Variants in RECQL4 observed in about 807,000 individuals in gnomAD.
The protein encoded by RECQL4 is ATP-dependent DNA helicase Q4.
A neutral mutation model predicts 128.6 loss-of-function variants in RECQL4; 158 were observed. The observed-to-expected ratio is 1.23, with a 90% confidence interval of 1.08 to 1.40. The LOEUF is 1.40. RECQL4 is among the 40% of genes most tolerant of loss of function. The probability of loss-of-function intolerance (pLI) is 0.00; values close to 1 mark genes in which losing one functional copy is unlikely to be tolerated. For missense variants in RECQL4, 2,293 were observed against 1,649.8 expected (o/e 1.39, Z -6.75); for synonymous variants, 996 against 678.9 (o/e 1.47, Z -7.26).
chr8:144,513,800 TGAG>T (rs1827726056), intron 12 of RECQL4, 88 bp from the exon 13 acceptor site: 66 of 794,708 alleles, frequency 8.3e-5, no homozygotes, highest in Admixed American at 3.0e-4. Context: ...GCGTGGGGAG[TGAG>T]GAGGGGTCGG....
Position 144,517,389 on chromosome 8 carries a change from G to T in RECQL4, c.213+25C>A, listed in dbSNP as rs1432960414. On this transcript the variant is annotated intron_variant, in intron 3 of 20. Coordinates refer to ENST00000617875, the MANE Select transcript of RECQL4 (RefSeq NM_004260.4). ...TCCGCCAAACAGGGAAGTGGGAGGAGGCTGGGGCGGCGGGGCCTGGGTACC... is the reference window on the plus strand; with the variant it reads ...TCCGCCAAACAGGGAAGTGGGAGGATGCTGGGGCGGCGGGGCCTGGGTACC... 7 of 1,547,272 alleles carry T rather than the reference G, an allele frequency of 4.5e-6. No homozygotes were observed. The African/African-American group carries it at 9.5e-5, about 21-fold the overall frequency.
intron 12 of RECQL4, 47 bp downstream of exon 12, chr8:144,513,881 A>AGAGAGGAGGGGTCGGCGTGGGCG (rs1554899111): frequency 4.6e-6 from 2 of 435,680 alleles, no homozygotes; most frequent in Non-Finnish European, 6.0e-6. Flanking sequence ...CGGCGTGGGC[A>AGAGAGGAGGGGTCGGCGTGGGCG]GTCAGCAGCC....
rs762426271 is a variant in RECQL4 at position 144,516,181 on chromosome 8, C to G, written c.938G>C (p.Ser313Thr). The G allele has an allele frequency of 3.7e-6, 6 of 1,613,476 alleles. No individual in the cohort carries two copies. In the East Asian group the frequency reaches 1.1e-4, roughly 30 times the overall value. ...TCCGTGGTACCTGGGGTTCGATGGG[C>G]TGCTGCAGGGCTGAGGTGGCTGTGC... Reference protein sequence around the residue: ...VQAQPPQPCSSPSNPRYHGLS... With the variant: ...VQAQPPQPCSTPSNPRYHGLS... The change falls in exon 5 of 21, where the codon AGC (serine) becomes ACC (threonine). Residue 313 changes from serine to threonine, a missense_variant. Coordinates refer to ENST00000617875, the MANE Select transcript of RECQL4 (RefSeq NM_004260.4).
At chr8:144,514,883 C>A in intron 9 of RECQL4, 53 bp downstream of exon 9, 1 of 1,595,264 alleles carries the variant, frequency 6.3e-7, no homozygotes, top group South Asian at 1.1e-5. Flanking sequence ...CCTTGGGAGT[C>A]ACAAGTGCTG....
rs1586808386 is a variant in RECQL4 at position 144,514,001 on chromosome 8, G to A, written c.1985C>T (p.Pro662Leu). 6.4e-7 allele frequency: 1 copy of A among 1,568,864 alleles called. No individual in the cohort carries two copies. Among genetic ancestry groups the A allele is most frequent in the Non-Finnish European group, 8.6e-7 (1 of 1,157,822 alleles). ...VAQHLAVAEE[P>L]DLHGPAPVPT... ...AACTGGGGCTGGCCCGTGGAGGTCA[G>A]GCTCTTCAGCCACAGCCAGGTGCTG... Residue 662 changes from proline (P) to leucine (L), a missense_variant, in exon 12 of 21, where the codon CCT becomes CTT. Pro to Leu is a moderately conservative substitution (Grantham distance 98). Coordinates refer to ENST00000617875, the MANE Select transcript of RECQL4 (RefSeq NM_004260.4).
At chr8:144,515,552 A>G in intron 6 of RECQL4, 95 bp from the exon 7 acceptor site, 1 of 1,573,024 alleles carries the variant, frequency 6.4e-7, no homozygotes, top group Non-Finnish European at 8.7e-7. Context: ...GGTTGGCAGC[A>G]GGCAGTGCCC....
At position 144,515,055 on chromosome 8, in the gene RECQL4, C is replaced by G; in HGVS notation, c.1501G>C (p.Val501Leu). 1 of 1,608,662 alleles carries G rather than the reference C, an allele frequency of 6.2e-7. No homozygotes were observed. The highest frequency in any genetic ancestry group is 8.5e-7 in the Non-Finnish European group (1 of 1,178,342). Residue 501 changes from valine to leucine, a missense_variant, in exon 9 of 21, where the codon GTG becomes CTG. By Grantham distance (32) the Val-to-Leu change is conservative (BLOSUM62 1). Transcript: ENST00000617875. ...RILSGISTLL[V>L]LPTGAGKSLC... is the part of the protein sequence containing the mutation. ...GACTTGCCGGCACCTGTAGGCAGCA[C>G]CAGCAGCGTGGAGATGCCTGGATGG...
rs1269526311 is a variant in RECQL4 at position 144,512,830 on chromosome 8, T to G, written c.2755+17A>C. 3.7e-6 allele frequency: 6 copies of G among 1,607,756 alleles called. No individual in the cohort carries two copies. The African/African-American group carries it at 8.0e-5, about 21-fold the overall frequency. ...ACAGCCCCTCCACACCCCTGTGGCTTACCCCAGGTTCCTCACCCTCCTCCG... is the reference window on the plus strand; with the variant it reads ...ACAGCCCCTCCACACCCCTGTGGCTGACCCCAGGTTCCTCACCCTCCTCCG... On this transcript the variant is annotated intron_variant, in intron 15 of 20. Coordinates refer to ENST00000617875, the MANE Select transcript of RECQL4 (RefSeq NM_004260.4).
Position 144,512,280 on chromosome 8 carries a change from C to G in RECQL4, c.3100G>C (p.Ala1034Pro), listed in dbSNP as rs761975311. Residue 1034 changes from alanine to proline, a missense_variant, in exon 18 of 21, where the codon GCC becomes CCC. Transcript: ENST00000617875. Reference sequence around the variant, plus strand: ...TCCCCCGGGCTGCGAAGGTGGAAGGCCAGCTCACTGAACTCCACAAGCACC... The same window carrying G: ...TCCCCCGGGCTGCGAAGGTGGAAGGGCAGCTCACTGAACTCCACAAGCACC... ...TGVLVEFSEL[A>P]FHLRSPGDLT... 1 of 1,612,512 alleles carries G rather than the reference C, an allele frequency of 6.2e-7. No homozygotes were observed. The highest frequency in any genetic ancestry group is 1.7e-5 in the Admixed American group (1 of 60,028).
intron 9 of RECQL4, 47 bp from the exon 10 acceptor site, chr8:144,514,572 C>G: frequency 6.4e-7 from 1 of 1,571,548 alleles, no homozygotes. Context: ...CCAGCCCTGG[C>G]CCTTCCCCAA....
intron 5 of RECQL4, 38 bp downstream of exon 5, chr8:144,515,950 G>A (rs1564804848): frequency 1.9e-6 from 3 of 1,611,956 alleles, no homozygotes; most frequent in Non-Finnish European, 2.5e-6. Flanking sequence ...CTGAGGGGAG[G>A]GAAAGGGAAT....
chr8:144,512,908 C>G lies in RECQL4; in HGVS notation c.2694G>C (p.Met898Ile), dbSNP rs1382869672. 1.9e-6 allele frequency: 3 copies of G among 1,587,814 alleles called. No individual in the cohort carries two copies. The African/African-American group carries it at 4.0e-5, about 21-fold the overall frequency. Reference protein sequence around the residue: ...QAAPGPRRVCMGHERALPIQL... With the variant: ...QAAPGPRRVCIGHERALPIQL... The stretch of plus-strand genomic sequence containing the variant: ...GTATTGGGAGTGCCCGCTCATGGCC[C>G]ATGCAGACCCTTCTGGGTCCTGGGG... Residue 898 changes from methionine (M) to isoleucine (I), a missense_variant, in exon 15 of 21, where the codon ATG (methionine) becomes ATC (isoleucine). Transcript: ENST00000617875.
At position 144,511,374 on chromosome 8, in the gene RECQL4, C is replaced by A; in HGVS notation, c.*57G>T. On this transcript the variant is annotated 3_prime_UTR_variant, in exon 21 of 21. Transcript: ENST00000617875. ...GGCAGGTTTTGCCCAGGTCCTCAGT[C>A]ACTGCCCTAGCCTCTGACAACCCCA... is the stretch of plus-strand genomic sequence containing the variant. 6.3e-7 allele frequency: 1 copy of A among 1,595,492 alleles called. No individual in the cohort carries two copies. Among genetic ancestry groups the A allele is most frequent in the South Asian group, 1.1e-5 (1 of 90,682 alleles).
rs778626045 is a variant in RECQL4 at position 144,516,530 on chromosome 8, C to T, written c.589G>A (p.Glu197Lys). Reference protein sequence around the residue: ...DPGWLQRCHSEVPDFLGAPKA... With the variant: ...DPGWLQRCHSKVPDFLGAPKA... ...GGGGCCCCCAGAAAATCTGGGACCT[C>T]ACTGTGACATCGCTGTAACCAGCCA... The change falls in exon 5 of 21, where the codon GAG (glutamate) becomes AAG (lysine). Residue 197 changes from glutamate to lysine, a missense_variant. Transcript: ENST00000617875. 8.7e-6 allele frequency: 14 copies of T among 1,609,804 alleles called. No homozygotes were observed. Among genetic ancestry groups the T allele is most frequent in the Non-Finnish European group, 1.2e-5 (14 of 1,179,284 alleles).
rs2130693232 is a variant in RECQL4, at chr8:144,514,125, G to A, written c.1879-18C>T. 1 of 1,609,694 alleles carries A rather than the reference G, an allele frequency of 6.2e-7. No individual in the cohort carries two copies. The highest frequency in any genetic ancestry group is 1.7e-5 in the Admixed American group (1 of 59,638). ...CGAAGCACCTGCACCAGAGGCGGCA[G>A]TGGTGTGAGGCCGCCCAGCCCATCC... On this transcript the variant is annotated intron_variant, in intron 11 of 20. Transcript: ENST00000617875.
In RECQL4 at chr8:144,513,683, A is replaced by G. The variant is rs1465286003; in HGVS notation, c.2088T>C (p.Arg696=). The change falls in exon 13 of 21, where the codon CGT becomes CGC. Residue 696 remains arginine (R), a synonymous_variant. Coordinates refer to ENST00000617875, the MANE Select transcript of RECQL4 (RefSeq NM_004260.4). ...QALLTLLQGK[R]FQNLDSIIIY... ...TGATAATGGAATCGAGGTTTTGAAA[A>G]CGTTTGCCTTGCAGCAGCGTCAACA... 1 of 1,549,040 alleles carries G rather than the reference A, an allele frequency of 6.5e-7. No individual in the cohort carries two copies. The highest frequency in any genetic ancestry group is 8.7e-7 in the Non-Finnish European group (1 of 1,147,572).
chr8:144,515,110 C>G, intron 8 of RECQL4, 38 bp from the exon 9 acceptor site: 1 of 1,582,320 alleles, frequency 6.3e-7, no homozygotes, highest in Non-Finnish European at 8.6e-7. Context: ...GTTCTGCAGC[C>G]TGGCCTCAGC....
At position 144,512,127 on chromosome 8, in the gene RECQL4, G is replaced by T; in HGVS notation, c.3236+17C>A. On this transcript the variant is annotated intron_variant, in intron 18 of 20. Transcript: ENST00000617875. ...GGGAGGGTGGATGGTCCCAGGCCCC[G>T]CCCGCCTCCTCCCAACCTGTGAAAG... 6.2e-7 allele frequency: 1 copy of T among 1,601,442 alleles called. No individual in the cohort carries two copies. Among genetic ancestry groups the T allele is most frequent in the Non-Finnish European group, 8.5e-7 (1 of 1,174,072 alleles).
chr8:144,515,818 AC>A lies in RECQL4; in HGVS notation c.1203del (p.Glu401AspfsTer5), dbSNP rs1220902289. The A allele has an allele frequency of 6.2e-7, 1 of 1,612,014 alleles. No individual in the cohort carries two copies. The highest frequency in any genetic ancestry group is 1.3e-5 in the African/African-American group (1 of 74,708). On this transcript the variant is annotated frameshift_variant, in exon 6 of 21. Coordinates refer to ENST00000617875, the MANE Select transcript of RECQL4 (RefSeq NM_004260.4). LOFTEE classifies it high-confidence loss of function. ...GGGGATVTTK[E>X]SCFLNEQFDH... ...TCGAACTGCTCGTTCAGGAAACAAG[AC>A]TCCTTGGTTGTGACTGTGGCACCAC...
Sources: allele counts gnomAD v4.1 joint callset, GRCh38; gene constraint gnomAD v4.1.1; transcripts MANE v1.5; gene names NCBI Gene and HGNC (gene_info 2026-07-23, HGNC 2026-07-21).